Variants in AUTS2 observed in about 807,000 individuals in gnomAD.
The protein encoded by AUTS2 is autism susceptibility gene 2 protein.
Under a neutral mutation model 112.4 loss-of-function variants are expected in AUTS2, and 17 were observed. That is an observed-to-expected ratio of 0.15 (90% confidence interval 0.10 to 0.23). The LOEUF (loss-of-function observed/expected upper bound fraction) is 0.23. Among genes scored for constraint, AUTS2 ranks in the 10% least tolerant of loss-of-function variants. The probability of loss-of-function intolerance (pLI) is 1.00; values close to 1 mark genes in which losing one functional copy is unlikely to be tolerated. For synonymous variants in AUTS2, 751 were observed against 702.7 expected, an observed-to-expected ratio of 1.07 and a Z score of -1.09; for missense variants, 1,510 against 1,701.6, an observed-to-expected ratio of 0.89 and a Z score of 1.98.
At chr7:69,645,150 G>T (rs1364286022) in intron 1 of AUTS2, among the ~76,000 whole-genome samples, 1 of 150,932 alleles carries the variant, frequency 6.6e-6, no homozygotes, top group Non-Finnish European at 1.5e-5. Context: ...GACCTCAAGT[G>T]ATCCTCCTGC....
In AUTS2 at chr7:70,790,492, G is replaced by GTCTCTGCCCA. The variant is rs756193910; in HGVS notation, c.3276_3277insTCTCTGCCCA (p.Asp1093SerfsTer192). 2 of 1,612,528 alleles carry GTCTCTGCCCA rather than the reference G, an allele frequency of 1.2e-6. No individual in the cohort carries two copies. Among genetic ancestry groups the GTCTCTGCCCA allele is most frequent in the Admixed American group, 3.3e-5 (2 of 59,956 alleles). ...TTCACCGGAGAGACCCGCTGGGCAG[G>GTCTCTGCCCA]GACTTCCTGCTAAGGAACGACCCGC... On this transcript the variant is annotated frameshift_variant, in exon 19 of 19. Transcript: ENST00000342771. LOFTEE classifies it high-confidence loss of function. This position sits in a 1 kb window ranked among gnomAD's most constrained non-coding sequence, Gnocchi z 7.6.
At chr7:70,397,982 G>A (rs1410993317) in intron 4 of AUTS2, among the ~76,000 whole-genome samples, 1 of 152,148 alleles carries the variant, frequency 6.6e-6, no homozygotes, top group South Asian at 2.1e-4. Flanking sequence ...TATGGTATGA[G>A]GTATAGATTC....
intron 4 of AUTS2, among the ~76,000 whole-genome samples, chr7:70,171,905 T>G (rs57944968): frequency 0.19 from 28,408 of 146,504 alleles, 3,211 homozygotes; most frequent in African/African-American, 0.31. Context: ...TTTTTTTTTT[T>G]GGGGGGGGGT....
At position 69,962,402 on chromosome 7, in the gene AUTS2, C is replaced by T. The variant is rs117240523; in HGVS notation, c.522+62904C>T. On this transcript the variant is annotated intron_variant, in intron 2 of 18. Transcript: ENST00000342771. ...AATGCTCAGATGATATGCACTTCTCCGTCCCCCTAAAGATTTAAGGAAGTA... is the reference window on the plus strand; with the variant it reads ...AATGCTCAGATGATATGCACTTCTCTGTCCCCCTAAAGATTTAAGGAAGTA... Among the ~76,000 whole-genome samples the T allele has an allele frequency of 5.3e-4, 81 of 152,198 alleles. No individual in the cohort carries two copies. In the East Asian group the frequency reaches 0.014, roughly 27 times the overall value.
intron 2 of AUTS2, among the ~76,000 whole-genome samples, chr7:69,925,720 A>G (rs777965034): frequency 1.2e-4 from 18 of 152,152 alleles, no homozygotes; most frequent in African/African-American, 3.9e-4. Context: ...GTGTCTTACT[A>G]TGTTGCCCAG....
intron 6 of AUTS2, among the ~76,000 whole-genome samples, chr7:70,749,543 T>A (rs1188900946): frequency 6.6e-6 from 1 of 152,194 alleles, no homozygotes; most frequent in East Asian, 1.9e-4. Context: ...AGTCCTCTTT[T>A]CCCTGCTCCT....
chr7:70,467,829 C>G (rs1292981712), intron 5 of AUTS2, among the ~76,000 whole-genome samples: 1 of 152,220 alleles, frequency 6.6e-6, no homozygotes, highest in African/African-American at 2.4e-5. Flanking sequence ...GCCAGCACCT[C>G]TGATAGATTC....
At chr7:70,004,086 A>G (rs1216096807) in intron 2 of AUTS2, among the ~76,000 whole-genome samples, 2 of 130,050 alleles carry the variant, frequency 1.5e-5, no homozygotes, top group Non-Finnish European at 3.1e-5. Context: ...TGAATGTGTT[A>G]TATGTGAATA....
Position 70,787,324 on chromosome 7 carries a change from C to T in AUTS2, c.2424C>T (p.Pro808=). The T allele has an allele frequency of 6.2e-7, 1 of 1,614,180 alleles. No individual in the cohort carries two copies. The part of the protein sequence containing the change: ...RTPPSFPTPP[P]WLKPGELERS... ...CTCCGTCGTTCCCGACCCCTCCGCC[C>T]TGGCTGAAGCCAGGGGAGCTGGAGC... The change falls in exon 18 of 19, where the codon CCC becomes CCT. Residue 808 remains proline (P), a synonymous_variant. Coordinates refer to ENST00000342771, the MANE Select transcript of AUTS2 (RefSeq NM_015570.4).
In AUTS2 at chr7:70,730,603, A is replaced by G. The variant is rs371192350; in HGVS notation, c.742+31983A>G. Among the ~76,000 whole-genome samples the G allele has an allele frequency of 3.5e-4, 54 of 152,338 alleles. 1 individual carries two copies. The South Asian group carries it at 8.9e-3, about 25-fold the overall frequency. ...TATCAGCATTTCATTTTTAATTGCC[A>G]AATAATATTCCATTGTATGGATATG... On this transcript the variant is annotated intron_variant, in intron 6 of 18. Transcript: ENST00000342771.
At chr7:69,788,293 T>C (rs1026809390) in intron 1 of AUTS2, among the ~76,000 whole-genome samples, 1 of 151,938 alleles carries the variant, frequency 6.6e-6, no homozygotes, top group Non-Finnish European at 1.5e-5. Flanking sequence ...AAGACAGCTG[T>C]GGAGAGACAT....
chr7:70,771,474 T>A, intron 10 of AUTS2, 75 bp from the exon 11 acceptor site: 1 of 1,289,258 alleles, frequency 7.8e-7, no homozygotes, highest in Non-Finnish European at 1.1e-6. Context: ...GATGTCTTTC[T>A]ATGGGACGGG....
chr7:70,496,772 T>C (rs1585218123), intron 5 of AUTS2, among the ~76,000 whole-genome samples: 3 of 81,968 alleles, frequency 3.7e-5, no homozygotes, highest in Admixed American at 1.6e-4. Context: ...TCACACCACG[T>C]ACACAGTCAG....
chr7:69,643,839 G>A (rs1409156305), intron 1 of AUTS2, among the ~76,000 whole-genome samples: 4 of 152,196 alleles, frequency 2.6e-5, no homozygotes, highest in African/African-American at 9.7e-5. Context: ...AGCTACCAGA[G>A]AGGCTGAGGT....
At chr7:70,617,756 G>C (rs1222459934) in intron 5 of AUTS2, among the ~76,000 whole-genome samples, 2 of 152,134 alleles carry the variant, frequency 1.3e-5, no homozygotes, top group African/African-American at 4.8e-5. Flanking sequence ...TGATTCACTT[G>C]TAAGCTACTA....
intron 5 of AUTS2, among the ~76,000 whole-genome samples, chr7:70,490,950 T>C (rs1798205650): frequency 6.6e-6 from 1 of 152,192 alleles, no homozygotes; most frequent in Admixed American, 6.5e-5. Context: ...AGCTCCCAAG[T>C]CAGTATCAGC....
chr7:69,874,107 A>G (rs1793621941), intron 1 of AUTS2, among the ~76,000 whole-genome samples: 1 of 152,194 alleles, frequency 6.6e-6, no homozygotes, highest in African/African-American at 2.4e-5. Context: ...AAAGAGACTT[A>G]GAGGCTGGAC....
chr7:69,887,829 A>G (rs1348311811), intron 1 of AUTS2, among the ~76,000 whole-genome samples: 1 of 152,236 alleles, frequency 6.6e-6, no homozygotes, highest in East Asian at 1.9e-4. Context: ...ATATCAAGCC[A>G]TGAAAAAGAT....
chr7:70,706,452 A>G (rs1809743355), intron 6 of AUTS2, among the ~76,000 whole-genome samples: 1 of 152,236 alleles, frequency 6.6e-6, no homozygotes, highest in Non-Finnish European at 1.5e-5. Context: ...ACAGGGATCC[A>G]CAGGGCCTTG....
Sources: gnomAD v4.1 joint callset for allele counts (sites outside exome capture counted in the v4.1 genomes callset) on GRCh38, gnomAD v4.1.1 for gene constraint, Gnocchi (gnomAD v3.1) non-coding constraint, MANE v1.5 for transcripts, NCBI Gene and HGNC (gene_info 2026-07-23, HGNC 2026-07-21) for gene names.